MAF: variants seen among roughly 807,000 people sequenced by gnomAD.
MAF encodes the protein transcription factor Maf.
A neutral mutation model predicts 22.0 loss-of-function variants in MAF; 10 were observed. That is an observed-to-expected ratio of 0.45 (90% CI 0.28 to 0.77). The LOEUF is 0.77. MAF is among the 30% of genes least tolerant of loss of function. The pLI is 0.12. For synonymous variants in MAF, 337 were observed against 255.8 expected (o/e 1.32, Z -3.03); for missense variants, 544 against 548.4 (o/e 0.99, Z 0.08).
chr16:79,456,726 A>G, the MAF span, among the ~76,000 whole-genome samples: 1 of 152,170 alleles, frequency 6.6e-6, no homozygotes, highest in Admixed American at 6.5e-5. Flanking sequence ...TTCACACCCT[A>G]GAAACAGCCC....
chr16:79,437,398 G>A, the MAF span, among the ~76,000 whole-genome samples: 2 of 152,316 alleles, frequency 1.3e-5, no homozygotes, highest in Middle Eastern at 3.4e-3. Flanking sequence ...CGTGTGGCCT[G>A]TTTGAGATTG....
the MAF span, among the ~76,000 whole-genome samples, chr16:79,546,246 A>G: frequency 2.0e-4 from 30 of 152,220 alleles, no homozygotes; most frequent in East Asian, 7.7e-4. Context: ...AGTCATCTTA[A>G]TTTAAACACT....
the MAF span, among the ~76,000 whole-genome samples, chr16:79,552,510 C>T: frequency 3.9e-5 from 6 of 152,326 alleles, no homozygotes; most frequent in African/African-American, 1.2e-4. Flanking sequence ...GTTCTCCCTT[C>T]TTAAACCTAT....
the MAF span, among the ~76,000 whole-genome samples, chr16:79,232,894 G>A: frequency 1.4e-5 from 2 of 143,170 alleles, no homozygotes; most frequent in Non-Finnish European, 3.0e-5. Context: ...AGGCTGGAGT[G>A]CAGTGGCACC....
chr16:79,240,485 T>TG, the MAF span, among the ~76,000 whole-genome samples: 1 of 71,622 alleles, frequency 1.4e-5, no homozygotes, highest in Admixed American at 2.3e-4. Flanking sequence ...CAAGCATCTC[T>TG]GGAAAAAAAA....
chr16:79,405,291 C>T, the MAF span, among the ~76,000 whole-genome samples: 1 of 152,104 alleles, frequency 6.6e-6, no homozygotes, highest in African/African-American at 2.4e-5. Context: ...TTCTGGGCAC[C>T]TACATGGGGA....
chr16:79,451,493 A>G, the MAF span, among the ~76,000 whole-genome samples: 1 of 152,192 alleles, frequency 6.6e-6, no homozygotes, highest in Non-Finnish European at 1.5e-5. Context: ...CCTTCCTTGA[A>G]GCATTTCTGG....
At chr16:79,257,794 T>C in the MAF span, among the ~76,000 whole-genome samples, 2 of 152,094 alleles carry the variant, frequency 1.3e-5, no homozygotes, top group African/African-American at 4.8e-5. Context: ...ACTCATGACA[T>C]GAGAAAATGT....
At chr16:79,216,573 G>A in the MAF span, among the ~76,000 whole-genome samples, 39 of 152,164 alleles carry the variant, frequency 2.6e-4, no homozygotes, top group Non-Finnish European at 4.3e-4. Flanking sequence ...AAATGGTTGT[G>A]TTAAATGCCT....
the MAF span, among the ~76,000 whole-genome samples, chr16:79,407,995 CCCT>C: frequency 6.9e-6 from 1 of 144,844 alleles, no homozygotes; most frequent in Non-Finnish European, 1.5e-5. Context: ...GGGAGATCGA[CCCT>C]CATGACAGTT....
chr16:79,552,656 AG>A, the MAF span, among the ~76,000 whole-genome samples: 1 of 152,328 alleles, frequency 6.6e-6, no homozygotes, highest in South Asian at 2.1e-4. Flanking sequence ...TGTTCAGGAC[AG>A]GATCTTGGCT....
At chr16:79,519,267 G>C in the MAF span, among the ~76,000 whole-genome samples, 1 of 152,138 alleles carries the variant, frequency 6.6e-6, no homozygotes, top group Non-Finnish European at 1.5e-5. Context: ...CCACCTCAGA[G>C]ATCTCTGAAG....
the MAF span, among the ~76,000 whole-genome samples, chr16:79,521,021 C>T: frequency 6.6e-6 from 1 of 152,176 alleles, no homozygotes; most frequent in Admixed American, 6.5e-5. Context: ...AATGCTGGAG[C>T]CTGGCTATAT....
At chr16:79,211,519 G>A in the MAF span, 3 of 1,537,180 alleles carry the variant, frequency 2.0e-6, no homozygotes, top group South Asian at 3.4e-5. Context: ...AGGTGGGGGA[G>A]GCCTGCTAAT....
At chr16:79,391,291 G>A in the MAF span, among the ~76,000 whole-genome samples, 53 of 152,236 alleles carry the variant, frequency 3.5e-4, no homozygotes, top group African/African-American at 1.1e-3. Context: ...AAGCTATGGA[G>A]ATTATTTAGA....
At chr16:79,596,301 T>G (rs1261282999) in intron 1 of MAF, 1 of 1,059,604 alleles carries the variant, frequency 9.4e-7, no homozygotes, top group African/African-American at 1.6e-5. Context: ...TATTAAATAT[T>G]GCTAATCAGT....
chr16:79,534,683 A>G, the MAF span, among the ~76,000 whole-genome samples: 2,065 of 152,244 alleles, frequency 0.014, 35 homozygotes, highest in Non-Finnish European at 0.016. Flanking sequence ...ACATGTATAC[A>G]TATGTAACAA....
chr16:79,269,964 C>T, the MAF span, among the ~76,000 whole-genome samples: 2 of 152,188 alleles, frequency 1.3e-5, no homozygotes, highest in Non-Finnish European at 1.5e-5. Flanking sequence ...CCATTCATCT[C>T]TCAAGAAATG....
At chr16:79,358,719 C>G in the MAF span, among the ~76,000 whole-genome samples, 2 of 152,342 alleles carry the variant, frequency 1.3e-5, no homozygotes, top group Non-Finnish European at 2.9e-5. Context: ...ATGGTGAGCA[C>G]TAACTTTTAA....
Sources: gnomAD v4.1 joint callset for allele counts (sites outside exome capture counted in the v4.1 genomes callset) on GRCh38, gnomAD v4.1.1 for gene constraint, MANE v1.5 for transcripts, NCBI Gene and HGNC (gene_info 2026-07-23, HGNC 2026-07-21) for gene names.